HMGB1: variants seen among roughly 807,000 people sequenced by gnomAD.
HMGB1 encodes high mobility group box 1, also known as high mobility group protein B1.
For missense variants in HMGB1, 79 were observed against 253.5 expected, an observed-to-expected ratio of 0.31 and a Z score of 4.67; for synonymous variants, 81 against 84.0, an observed-to-expected ratio of 0.96 and a Z score of 0.19.
Position 30,475,283 on chromosome 13 carries a change from C to T in HMGB1, c.-14-11589G>A, listed in dbSNP as rs527867410. 2.1e-4 allele frequency among the ~76,000 whole-genome samples: 31 copies of T among 147,214 alleles called. 1 individual carries two copies. The South Asian group carries it at 6.1e-3, about 29-fold the overall frequency. On this transcript the variant is annotated intron_variant, in intron 1 of 4. Coordinates refer to the HMGB1 transcript ENST00000405805. Reference sequence around the variant, plus strand: ...AGGCTGGAGTGCAGTGGCGTGACCTCGGCTCACTGCAGTCTCCTCCCACCT... The same window carrying T: ...AGGCTGGAGTGCAGTGGCGTGACCTTGGCTCACTGCAGTCTCCTCCCACCT...
intron 1 of HMGB1, chr13:30,553,836 C>T: frequency 1.3e-5 from 17 of 1,356,324 alleles, no homozygotes; most frequent in Non-Finnish European, 1.8e-5. Context: ...CCCATATGAT[C>T]ACAGTCGTGT....
chr13:30,509,542 C>T (rs1034327459), intron 1 of HMGB1, among the ~76,000 whole-genome samples: 15 of 151,918 alleles, frequency 9.9e-5, no homozygotes, highest in African/African-American at 3.1e-4. Flanking sequence ...CTGGCCGTGC[C>T]CCAATATTCT....
At chr13:30,503,247 G>T (rs1302002656) in intron 1 of HMGB1, among the ~76,000 whole-genome samples, 1 of 152,090 alleles carries the variant, frequency 6.6e-6, no homozygotes, top group South Asian at 2.1e-4. Flanking sequence ...AGGAGGCTGA[G>T]GCAGGAGAAT....
chr13:30,544,967 T>G (rs1407072669), intron 1 of HMGB1, among the ~76,000 whole-genome samples: 1 of 152,242 alleles, frequency 6.6e-6, no homozygotes, highest in Admixed American at 6.5e-5. Flanking sequence ...TCCTCTGCAC[T>G]CCTGGCCTCC....
At chr13:30,475,888 T>A (rs932183503) in intron 1 of HMGB1, among the ~76,000 whole-genome samples, 1 of 152,088 alleles carries the variant, frequency 6.6e-6, no homozygotes, top group African/African-American at 2.4e-5. Flanking sequence ...TTTACCACAG[T>A]CCCCGCCATT....
chr13:30,505,152 T>TATATA (rs1566008738), intron 1 of HMGB1, among the ~76,000 whole-genome samples: 15 of 80,594 alleles, frequency 1.9e-4, no homozygotes, highest in African/African-American at 8.5e-4. Context: ...ATATATATAT[T>TATATA]TATATATTTG....
intron 1 of HMGB1, among the ~76,000 whole-genome samples, chr13:30,592,863 C>A (rs531139139): frequency 5.2e-4 from 74 of 141,104 alleles, no homozygotes; most frequent in African/African-American, 2.0e-3. Context: ...AAATTTAGTG[C>A]TTTTTTTTAA....
intron 1 of HMGB1, among the ~76,000 whole-genome samples, chr13:30,553,115 T>C (rs1450914768): frequency 6.6e-6 from 1 of 152,214 alleles, no homozygotes; most frequent in African/African-American, 2.4e-5. Flanking sequence ...CTGAGATGCA[T>C]GTTAAAAGGT....
intron 1 of HMGB1, among the ~76,000 whole-genome samples, chr13:30,519,642 G>C (rs1176017089): frequency 6.6e-6 from 1 of 151,844 alleles, no homozygotes; most frequent in African/African-American, 2.4e-5. Flanking sequence ...GGAGCTTGCA[G>C]TGAGCTGAGA....
At chr13:30,602,185 G>A (rs1221306722) in intron 1 of HMGB1, among the ~76,000 whole-genome samples, 2 of 151,074 alleles carry the variant, frequency 1.3e-5, no homozygotes, top group African/African-American at 4.9e-5. Flanking sequence ...CAGCACCACG[G>A]CCTCAGACAT....
chr13:30,558,707 A>G (rs1253326472), intron 1 of HMGB1, among the ~76,000 whole-genome samples: 1 of 152,192 alleles, frequency 6.6e-6, no homozygotes, highest in Non-Finnish European at 1.5e-5. Flanking sequence ...TGTCCCCCAG[A>G]TACTGCAAAT....
chr13:30,481,580 C>T (rs1045592653), intron 1 of HMGB1, among the ~76,000 whole-genome samples: 1 of 152,226 alleles, frequency 6.6e-6, no homozygotes, highest in Non-Finnish European at 1.5e-5. Flanking sequence ...TCCCATCATA[C>T]CTTAGGACTA....
In HMGB1 at chr13:30,611,287, T is replaced by A. The variant is rs150851867; in HGVS notation, c.-15+5384A>T. On this transcript the variant is annotated intron_variant, in intron 1 of 4. Coordinates refer to the HMGB1 transcript ENST00000405805. The stretch of plus-strand genomic sequence containing the variant: ...ATCTGAGGCTCCTGCCTCAGCCTCC[T>A]GAGTAGCTGGGACTACAGGCATGCG... Among the ~76,000 whole-genome samples the A allele has an allele frequency of 5.2e-3, 795 of 152,296 alleles. 5 individuals carry two copies. The highest frequency in any genetic ancestry group is 0.017 in the African/African-American group (716 of 41,564).
chr13:30,506,360 T>C (rs929765769), intron 1 of HMGB1, among the ~76,000 whole-genome samples: 1 of 152,204 alleles, frequency 6.6e-6, no homozygotes, highest in Admixed American at 6.5e-5. Flanking sequence ...GGAATCTGGC[T>C]GAGGAAAGGT....
intron 1 of HMGB1, among the ~76,000 whole-genome samples, chr13:30,551,185 T>C (rs116418995): frequency 1.8e-3 from 274 of 152,352 alleles, no homozygotes; most frequent in African/African-American, 6.2e-3. Context: ...CTAGTTATGG[T>C]GATAAAAGAT....
At chr13:30,516,139 G>A (rs1401241782) in intron 1 of HMGB1, among the ~76,000 whole-genome samples, 1 of 151,884 alleles carries the variant, frequency 6.6e-6, no homozygotes, top group Non-Finnish European at 1.5e-5. Flanking sequence ...ATATACTTAC[G>A]ACAGAATCTT....
intron 1 of HMGB1, among the ~76,000 whole-genome samples, chr13:30,538,629 CTTTT>C (rs71780274): frequency 3.9e-5 from 3 of 77,178 alleles, no homozygotes; most frequent in Non-Finnish European, 7.8e-5. Context: ...CTCTCTCTTT[CTTTT>C]TCTTTCTTCC....
intron 1 of HMGB1, among the ~76,000 whole-genome samples, chr13:30,514,776 T>TA (rs1224580907): frequency 6.6e-6 from 1 of 152,114 alleles, no homozygotes; most frequent in Non-Finnish European, 1.5e-5. Context: ...TAGCTGGGAG[T>TA]ACAGGTGTGT....
chr13:30,578,368 CTTTTTTTTTTTTT>C (rs60947686), intron 1 of HMGB1, among the ~76,000 whole-genome samples: 5 of 59,310 alleles, frequency 8.4e-5, no homozygotes, highest in East Asian at 6.3e-4. Context: ...AGTTCTTGTT[CTTTTTTTTTTTTT>C]TTTTTTTTTT....
Sources: gnomAD v4.1 joint callset for allele counts (sites outside exome capture counted in the v4.1 genomes callset) on GRCh38, gnomAD v4.1.1 for gene constraint, MANE v1.5 for transcripts, NCBI Gene and HGNC (gene_info 2026-07-23, HGNC 2026-07-21) for gene names.